LPP: variants seen among roughly 807,000 people sequenced by gnomAD.
The protein encoded by LPP is LIM domain containing preferred translocation partner in lipoma.
LPP carries 38 observed loss-of-function variants against 60.4 expected under a neutral mutation model. That is an observed-to-expected ratio of 0.63 (90% CI 0.49 to 0.83). The LOEUF (loss-of-function observed/expected upper bound fraction) is 0.83. Ranked by LOEUF, LPP falls within the 40% of genes least tolerant of loss-of-function variation. LPP has a pLI of 0.00. For synonymous variants in LPP, 328 were observed against 290.8 expected (o/e 1.13, Z -1.30); for missense variants, 902 against 783.6 (o/e 1.15, Z -1.80).
intron 8 of LPP, among the ~76,000 whole-genome samples, chr3:188,750,949 A>G (rs544486623): frequency 6.6e-6 from 1 of 152,186 alleles, no homozygotes; most frequent in Non-Finnish European, 1.5e-5. Flanking sequence ...TAAGTTCTGT[A>G]GGCCTCTAAG....
At chr3:188,263,094 A>G (rs533292908) in intron 2 of LPP, among the ~76,000 whole-genome samples, 121 of 152,200 alleles carry the variant, frequency 8.0e-4, no homozygotes, top group African/African-American at 2.8e-3. Flanking sequence ...TTCACTGCTG[A>G]CTGCAGCCAT....
intron 9 of LPP, among the ~76,000 whole-genome samples, chr3:188,803,775 G>A (rs1307636294): frequency 6.6e-6 from 1 of 152,108 alleles, no homozygotes; most frequent in Non-Finnish European, 1.5e-5. Context: ...TTTCAAAATT[G>A]TTTGGCTGTT....
At chr3:188,321,381 T>C (rs192731705) in intron 2 of LPP, among the ~76,000 whole-genome samples, 44 of 152,354 alleles carry the variant, frequency 2.9e-4, no homozygotes, top group Non-Finnish European at 5.9e-4. Context: ...ATGTGGCTAC[T>C]AGAAAATTTT....
intron 9 of LPP, among the ~76,000 whole-genome samples, chr3:188,826,780 C>A (rs752555638): frequency 6.6e-6 from 1 of 152,050 alleles, no homozygotes; most frequent in Non-Finnish European, 1.5e-5. Flanking sequence ...TGGACCCCCC[C>A]CACTCTCATC....
chr3:188,776,248 T>G (rs1163516026), intron 9 of LPP, among the ~76,000 whole-genome samples: 1 of 152,166 alleles, frequency 6.6e-6, no homozygotes, highest in African/African-American at 2.4e-5. Flanking sequence ...GGGACTGGCA[T>G]CGAGAAAGAC....
chr3:188,641,587 G>C (rs970381362), intron 7 of LPP, among the ~76,000 whole-genome samples: 13 of 152,212 alleles, frequency 8.5e-5, no homozygotes, highest in African/African-American at 2.9e-4. Context: ...TCTAATCGGA[G>C]CAGCAGGATG....
chr3:188,788,775 A>G (rs953982272), intron 9 of LPP, among the ~76,000 whole-genome samples: 19 of 151,676 alleles, frequency 1.3e-4, no homozygotes, highest in African/African-American at 4.6e-4. Flanking sequence ...GATTCCTACA[A>G]CCCTGCAGCA....
chr3:188,805,315 G>T (rs934509237), intron 9 of LPP, among the ~76,000 whole-genome samples: 1 of 151,822 alleles, frequency 6.6e-6, no homozygotes, highest in Non-Finnish European at 1.5e-5. Context: ...AAGCCATCTG[G>T]ACCTGGAATT....
intron 8 of LPP, among the ~76,000 whole-genome samples, chr3:188,757,889 G>GTTGTTTTTTTTTTTTTTTTTTTTGT (rs1553833774): frequency 1.3e-5 from 1 of 78,740 alleles, no homozygotes; most frequent in Non-Finnish European, 2.3e-5. Flanking sequence ...TGTTTTTTTG[G>GTTGTTTTTTTTTTTTTTTTTTTTGT]TTTTTTTTTT....
At chr3:188,336,860 G>A (rs909863034) in intron 2 of LPP, among the ~76,000 whole-genome samples, 3 of 152,160 alleles carry the variant, frequency 2.0e-5, no homozygotes, top group South Asian at 2.1e-4. Flanking sequence ...CTGCTCAGCT[G>A]AGCGATGGCA....
chr3:188,850,220 G>A (rs1762404188), intron 9 of LPP, among the ~76,000 whole-genome samples: 1 of 152,168 alleles, frequency 6.6e-6, no homozygotes, highest in Non-Finnish European at 1.5e-5. Flanking sequence ...GGCAGGTATT[G>A]TGATTATCTA....
rs1759715530 is a variant in LPP, at chr3:188,840,640, A to G, written c.1411-25560A>G. Reference sequence around the variant, plus strand: ...CAGCCTCTCAAGTAACTAGCAACACAGGTATGTGCCACCTCATCTGACTAA... The same window carrying G: ...CAGCCTCTCAAGTAACTAGCAACACGGGTATGTGCCACCTCATCTGACTAA... On this transcript the variant is annotated intron_variant, in intron 9 of 11. Transcript: ENST00000617246. Among the ~76,000 whole-genome samples the G allele has an allele frequency of 2.0e-5, 3 of 152,264 alleles. No individual in the cohort carries two copies. The South Asian group carries it at 6.2e-4, about 32-fold the overall frequency.
intron 9 of LPP, among the ~76,000 whole-genome samples, chr3:188,777,706 C>T (rs1177261464): frequency 6.6e-6 from 1 of 152,076 alleles, no homozygotes; most frequent in Non-Finnish European, 1.5e-5. Flanking sequence ...ACTCCACTGG[C>T]GTTCTGTTAA....
intron 3 of LPP, among the ~76,000 whole-genome samples, chr3:188,391,436 A>G (rs76554546): frequency 0.01 from 1,525 of 152,260 alleles, 28 homozygotes; most frequent in African/African-American, 0.035. Flanking sequence ...TTGATAAAAT[A>G]TCATTATTGC....
intron 8 of LPP, among the ~76,000 whole-genome samples, chr3:188,726,183 T>A (rs1186226546): frequency 6.6e-6 from 1 of 152,122 alleles, no homozygotes; most frequent in Non-Finnish European, 1.5e-5. Flanking sequence ...ATTTGGGGGA[T>A]GAAGATCAGT....
At chr3:188,372,104 C>T (rs1319418692) in intron 3 of LPP, among the ~76,000 whole-genome samples, 2 of 151,672 alleles carry the variant, frequency 1.3e-5, no homozygotes, top group Non-Finnish European at 2.9e-5. Flanking sequence ...AGAGATGCCT[C>T]TCATATAAGG....
chr3:188,718,127 A>T (rs1181317084), intron 8 of LPP, among the ~76,000 whole-genome samples: 1 of 152,166 alleles, frequency 6.6e-6, no homozygotes, highest in Non-Finnish European at 1.5e-5. Context: ...CGGCCTGGCT[A>T]ATGTGTTTTT....
At chr3:188,179,066 GTGAGCAAGAGAGAGGGAGGGAGAGAGAC>G in intron 1 of LPP, 1 of 262,592 alleles carries the variant, frequency 3.8e-6, no homozygotes. Context: ...GAGAGAGAGA[GTGAGCAAGAGAGAGGGAGGGAGAGAGAC>G]AGAGAGAGAG....
intron 5 of LPP, among the ~76,000 whole-genome samples, chr3:188,487,577 T>C (rs1392128182): frequency 6.6e-6 from 1 of 152,244 alleles, no homozygotes; most frequent in Non-Finnish European, 1.5e-5. Flanking sequence ...AGAGGCCTGT[T>C]ATTTTTGAGA....
Sources: allele counts gnomAD v4.1 joint callset (sites outside exome capture counted in the v4.1 genomes callset), GRCh38; gene constraint gnomAD v4.1.1; transcripts MANE v1.5; gene names NCBI Gene and HGNC (gene_info 2026-07-23, HGNC 2026-07-21).